The following A2ML1 variants were observed in gnomAD, a reference collection of about 807,000 sequenced individuals.
A2ML1 encodes the protein alpha-2-macroglobulin like 1, also known as alpha-2-macroglobulin-like protein 1.
Under a neutral mutation model 181.9 loss-of-function variants are expected in A2ML1, and 161 were observed. That is an observed-to-expected ratio of 0.89 (90% CI 0.78 to 1.01). The LOEUF (loss-of-function observed/expected upper bound fraction) is 1.01, where lower values mean the gene tolerates loss of function less well. Among genes scored for constraint, A2ML1 ranks in the 50% least tolerant of loss-of-function variants. The pLI is 0.00. For missense variants in A2ML1, 1,670 were observed against 1,768.1 expected, an observed-to-expected ratio of 0.94 and a Z score of 1.00; for synonymous variants, 663 against 666.8, an observed-to-expected ratio of 0.99 and a Z score of 0.09.
At position 8,863,841 on chromosome 12, in the gene A2ML1, A is replaced by T. The variant is rs143603619; in HGVS notation, c.3550A>T (p.Ser1184Cys). Residue 1184 changes from serine (S) to cysteine (C), a missense_variant, in exon 29 of 36, where the codon AGC becomes TGC. By Grantham distance (112) the Ser-to-Cys change is moderately radical. Transcript: ENST00000299698. ...SQKPTPSSNASPWSEPAAVDV... is the reference protein window; with the variant it reads ...SQKPTPSSNACPWSEPAAVDV... ...GAAACCTACTCCATCATCGAACGCC[A>T]GCCCTTGGTCTGAGCCTGCGGCTGT... 1,227 of 1,614,240 alleles carry T rather than the reference A, an allele frequency of 7.6e-4. 9 individuals carry two copies. In the African/African-American group the frequency reaches 0.014, roughly 19 times the overall value.
At chr12:8,842,312 G>A (rs908228516) in intron 11 of A2ML1, among the ~76,000 whole-genome samples, 5 of 151,196 alleles carry the variant, frequency 3.3e-5, no homozygotes, top group East Asian at 1.9e-4. Context: ...CCGCCTCCCC[G>A]GTTCACGCCA....
intron 32 of A2ML1, 65 bp downstream of exon 32, chr12:8,868,692 A>C (rs1414173345): frequency 6.9e-7 from 1 of 1,446,482 alleles, no homozygotes; most frequent in Non-Finnish European, 9.5e-7. Flanking sequence ...AATTTAAAAA[A>C]CTGGTAAAAT....
intron 12 of A2ML1, 196 bp from the exon 13 acceptor site, chr12:8,845,246 C>A: frequency 6.6e-7 from 1 of 1,510,708 alleles, no homozygotes; most frequent in Non-Finnish European, 8.9e-7. Context: ...CCTCCAACTG[C>A]AGGAGGAGCC....
chr12:8,877,173 A>T (rs767478437), downstream of A2ML1, among the ~76,000 whole-genome samples: 1 of 152,352 alleles, frequency 6.6e-6, no homozygotes, highest in African/African-American at 2.4e-5. Context: ...AGGCAAAGGG[A>T]TAAGGGAAGT....
intron 18 of A2ML1, among the ~76,000 whole-genome samples, chr12:8,851,186 A>C (rs1943875588): frequency 6.6e-6 from 1 of 152,140 alleles, no homozygotes; most frequent in African/African-American, 2.4e-5. Flanking sequence ...CACTGCTTGC[A>C]TATCCATTTT....
intron 3 of A2ML1, among the ~76,000 whole-genome samples, chr12:8,825,947 T>G (rs1398047226): frequency 3.9e-5 from 6 of 152,218 alleles, no homozygotes; most frequent in Admixed American, 3.9e-4. Context: ...CATTGGTCTA[T>G]GTATTTGTTT....
At position 8,869,095 on chromosome 12, in the gene A2ML1, C is replaced by G. The variant is rs760471992; in HGVS notation, c.4153-40C>G. On this transcript the variant is annotated intron_variant, in intron 32 of 35. Coordinates refer to ENST00000299698, the MANE Select transcript of A2ML1 (RefSeq NM_144670.6). ...TTGGAAGACTACCCCAGGGAAGGCT[C>G]TGGCTCTTAGTATCTTTTTTTTCTC... is the stretch of plus-strand genomic sequence containing the variant. The G allele has an allele frequency of 4.4e-6, 7 of 1,604,108 alleles. No individual in the cohort carries two copies. The South Asian group carries it at 7.7e-5, about 18-fold the overall frequency.
chr12:8,842,303 C>T (rs992106482), intron 11 of A2ML1, among the ~76,000 whole-genome samples: 58 of 151,920 alleles, frequency 3.8e-4, no homozygotes, highest in African/African-American at 1.2e-3. Flanking sequence ...CTGCAAGCTC[C>T]GCCTCCCCGG....
chr12:8,851,912 A>C lies in A2ML1; in HGVS notation c.2363A>C (p.Lys788Thr), dbSNP rs1943904938. Residue 788 changes from lysine (K) to threonine (T), a missense_variant, in exon 19 of 36, where the codon AAG becomes ACG. Transcript: ENST00000299698. ...LSPTVGLTAF[K>T]PFFVDLTLPY... The stretch of plus-strand genomic sequence containing the variant: ...CCCACTGTTGGACTAACTGCTTTCA[A>C]GCCGTTCTTTGTTGACCTGACTCTC... The C allele has an allele frequency of 6.2e-7, 1 of 1,614,014 alleles. No homozygotes were observed. The highest frequency in any genetic ancestry group is 8.5e-7 in the Non-Finnish European group (1 of 1,180,024).
Position 8,823,746 on chromosome 12 carries a change from A to G in A2ML1, c.273A>G (p.Glu91=). 6.2e-7 allele frequency: 1 copy of G among 1,614,070 alleles called. No individual in the cohort carries two copies. The highest frequency in any genetic ancestry group is 1.1e-5 in the South Asian group (1 of 91,058). ...TACCACCTCCTGCTGGTGGCACAGA[A>G]GAAGTGGCCACAATCCGGGTGTCGG... ...FLVPPPAGGT[E]EVATIRVSGV... The change falls in exon 3 of 36, where the codon GAA becomes GAG. Residue 91 remains glutamate, a synonymous_variant. Transcript: ENST00000299698.
intron 12 of A2ML1, 47 bp downstream of exon 12, chr12:8,843,408 G>A: frequency 6.3e-7 from 1 of 1,580,748 alleles, no homozygotes; most frequent in Non-Finnish European, 8.6e-7. Flanking sequence ...GGGAAGGAAA[G>A]AGAATGAGAA....
Position 8,855,584 on chromosome 12 carries a change from C to T in A2ML1, c.2840C>T (p.Thr947Met), listed in dbSNP as rs199873022. ...CCTGACTCGACCAAGGCTTATGTTA[C>T]GGTTCTGGGTAAGCAGTTAGAGATT... ...IVPDSTKAYV[T>M]VLGDIMGTAL... Residue 947 changes from threonine (T) to methionine (M), a missense_variant, in exon 23 of 36, where the codon ACG (threonine) becomes ATG (methionine). Transcript: ENST00000299698. The T allele has an allele frequency of 1.6e-4, 262 of 1,613,920 alleles. 2 individuals carry two copies. The highest frequency in any genetic ancestry group is 1.3e-3 in the South Asian group (120 of 91,072).
intron 33 of A2ML1, among the ~76,000 whole-genome samples, chr12:8,872,725 G>A (rs1393725642): frequency 1.3e-5 from 2 of 150,688 alleles, no homozygotes; most frequent in Non-Finnish European, 3.0e-5. Flanking sequence ...CAGAGGTTGC[G>A]GTGAGCCGAG....
intron 35 of A2ML1, among the ~76,000 whole-genome samples, chr12:8,875,284 A>AAACTGTCTCGAACT (rs1944766872): frequency 6.6e-6 from 1 of 151,556 alleles, no homozygotes. Flanking sequence ...CACCATGTTG[A>AAACTGTCTCGAACT]CCAGGCTGGT....
In A2ML1 at chr12:8,854,235, C is replaced by T; in HGVS notation, c.2698C>T (p.Pro900Ser). The part of the protein sequence containing the change: ...QKGRSDTLIK[P>S]VLVKPEGVLV... ...GGGCCGAAGTGACACGCTCATCAAGCCAGTTCTCGTCAAAGTGAGTTTTCT... is the reference window on the plus strand; with the variant it reads ...GGGCCGAAGTGACACGCTCATCAAGTCAGTTCTCGTCAAAGTGAGTTTTCT... The change falls in exon 21 of 36, where the codon CCA becomes TCA. Residue 900 changes from proline to serine, a missense_variant. Pro to Ser is a moderately conservative substitution (Grantham distance 74). Transcript: ENST00000299698. 6.2e-7 allele frequency: 1 copy of T among 1,603,036 alleles called. No homozygotes were observed. Among genetic ancestry groups the T allele is most frequent in the Non-Finnish European group, 8.5e-7 (1 of 1,174,954 alleles).
chr12:8,851,952 C>A lies in A2ML1; in HGVS notation c.2403C>A (p.Val801=). 6.2e-7 allele frequency: 1 copy of A among 1,614,208 alleles called. No homozygotes were observed. Among genetic ancestry groups the A allele is most frequent in the Non-Finnish European group, 8.5e-7 (1 of 1,180,048 alleles). ...ACCTGACTCTCCCTTACTCAGTAGT[C>A]CGTGGGGAATCCTTTCGTCTTACTG... is the stretch of plus-strand genomic sequence containing the variant. The part of the protein sequence containing the change: ...FVDLTLPYSV[V]RGESFRLTAT... The change falls in exon 19 of 36, where the codon GTC becomes GTA. Residue 801 remains valine, a synonymous_variant. Coordinates refer to ENST00000299698, the MANE Select transcript of A2ML1 (RefSeq NM_144670.6).
intron 5 of A2ML1, 170 bp downstream of exon 5, chr12:8,834,852 C>T: frequency 1.4e-6 from 1 of 689,860 alleles, no homozygotes; most frequent in Non-Finnish European, 2.4e-6. Flanking sequence ...TTTCTTGCCT[C>T]TGCCCTCCTA....
rs757455501 is a variant in A2ML1, at chr12:8,841,451, A to G, written c.1163A>G (p.Asn388Ser). 3.1e-6 allele frequency: 5 copies of G among 1,614,126 alleles called. No homozygotes were observed. Among genetic ancestry groups the G allele is most frequent in the Non-Finnish European group, 4.2e-6 (5 of 1,180,020 alleles). ...ATTTATGGCACAAATGGAACCTTCA[A>G]CCAGACCCTGGTTACTGATAACAAT... ...LVIYGTNGTF[N>S]QTLVTDNNGL... Residue 388 changes from asparagine to serine, a missense_variant, in exon 11 of 36, where the codon AAC becomes AGC. Coordinates refer to ENST00000299698, the MANE Select transcript of A2ML1 (RefSeq NM_144670.6).
chr12:8,824,052 C>T (rs1483323315), intron 3 of A2ML1, among the ~76,000 whole-genome samples, 170 bp downstream of exon 3: 1 of 151,836 alleles, frequency 6.6e-6, no homozygotes, highest in African/African-American at 2.4e-5. Flanking sequence ...CTGCGCTACA[C>T]AAGCAAGAGA....
Sources: allele counts gnomAD v4.1 joint callset (sites outside exome capture counted in the v4.1 genomes callset), GRCh38; gene constraint gnomAD v4.1.1; transcripts MANE v1.5; gene names NCBI Gene and HGNC (gene_info 2026-07-23, HGNC 2026-07-21).